The following SPIDR variants were observed in gnomAD, a reference collection of about 807,000 sequenced individuals.
The protein encoded by SPIDR is scaffold protein involved in DNA repair.
Under a neutral mutation model 104.6 loss-of-function variants are expected in SPIDR, and 93 were observed. The observed-to-expected ratio is 0.89, with a 90% CI of 0.75 to 1.06. The LOEUF (loss-of-function observed/expected upper bound fraction) is 1.06. SPIDR is among the 50% of genes least tolerant of loss of function. The pLI is 0.00. For synonymous variants in SPIDR, 431 were observed against 416.9 expected (o/e 1.03, Z -0.41); for missense variants, 1,154 against 1,111.2 (o/e 1.04, Z -0.55).
At chr8:47,500,261 A>T (rs1299168435) in intron 8 of SPIDR, among the ~76,000 whole-genome samples, 1 of 152,188 alleles carries the variant, frequency 6.6e-6, no homozygotes, top group Admixed American at 6.5e-5. Flanking sequence ...TCCCACCAAC[A>T]GTGTAAAAGT....
chr8:47,345,420 G>C (rs551533883), intron 5 of SPIDR, among the ~76,000 whole-genome samples: 2 of 152,080 alleles, frequency 1.3e-5, no homozygotes, highest in Non-Finnish European at 2.9e-5. Context: ...TTGTTCTTTT[G>C]GCTTAGGATT....
At chr8:47,400,895 A>G (rs782611365) in intron 6 of SPIDR, among the ~76,000 whole-genome samples, 2 of 152,194 alleles carry the variant, frequency 1.3e-5, no homozygotes, top group Non-Finnish European at 2.9e-5. Flanking sequence ...GAATGGAACC[A>G]TGTTGGAAAA....
chr8:47,331,926 A>G (rs1416404559), intron 5 of SPIDR, among the ~76,000 whole-genome samples: 4 of 68,462 alleles, frequency 5.8e-5, no homozygotes, highest in African/African-American at 1.9e-4. Flanking sequence ...CAGCTTATAT[A>G]TTCTGTCAGC....
chr8:47,667,620 T>C (rs2075155333), intron 10 of SPIDR, among the ~76,000 whole-genome samples: 1 of 151,788 alleles, frequency 6.6e-6, no homozygotes, highest in Non-Finnish European at 1.5e-5. Flanking sequence ...GAAAAAAAGA[T>C]TATAAATGTG....
At chr8:47,704,312 A>T (rs965691169) in intron 14 of SPIDR, among the ~76,000 whole-genome samples, 2 of 152,220 alleles carry the variant, frequency 1.3e-5, no homozygotes, top group African/African-American at 4.8e-5. Flanking sequence ...TCTCATGTAC[A>T]TATCATTTTA....
chr8:47,721,766 C>T (rs971221606), intron 16 of SPIDR, among the ~76,000 whole-genome samples: 2 of 152,154 alleles, frequency 1.3e-5, no homozygotes, highest in Admixed American at 6.5e-5. Context: ...TGAGCCACCG[C>T]GCCCGGCCAA....
chr8:47,419,341 T>G (rs1312026446), intron 7 of SPIDR: 11 of 152,218 alleles, frequency 7.2e-5, no homozygotes, highest in Admixed American at 7.2e-4. Context: ...CCTGGTTTAG[T>G]CTTGGAAGGG....
chr8:47,700,551 C>A, intron 12 of SPIDR, 61 bp downstream of exon 12: 1 of 1,529,330 alleles, frequency 6.5e-7, no homozygotes, highest in Non-Finnish European at 9.1e-7. Context: ...GGTGCCAAGC[C>A]AGGCGTCATC....
intron 16 of SPIDR, among the ~76,000 whole-genome samples, chr8:47,722,008 A>G (rs2083470859): frequency 6.6e-6 from 1 of 152,222 alleles, no homozygotes; most frequent in Non-Finnish European, 1.5e-5. Context: ...CTTCTTATCC[A>G]TGAACATGGA....
intron 3 of SPIDR, among the ~76,000 whole-genome samples, chr8:47,284,966 A>G (rs2038544385): frequency 6.6e-6 from 1 of 152,236 alleles, no homozygotes; most frequent in Admixed American, 6.5e-5. Context: ...AGGAAGAGTG[A>G]GGGCTTGTGA....
At chr8:47,722,270 T>C (rs2083511909) in intron 16 of SPIDR, among the ~76,000 whole-genome samples, 1 of 152,216 alleles carries the variant, frequency 6.6e-6, no homozygotes, top group Non-Finnish European at 1.5e-5. Context: ...TGGTCTTTTG[T>C]TGTTTCTTTG....
At chr8:47,328,171 A>G (rs926110526) in intron 5 of SPIDR, among the ~76,000 whole-genome samples, 4 of 151,742 alleles carry the variant, frequency 2.6e-5, no homozygotes, top group Non-Finnish European at 5.9e-5. Context: ...TCTATTATCT[A>G]TGTTTTCTTA....
At chr8:47,673,656 C>G in intron 10 of SPIDR, 145 bp from the exon 11 acceptor site, 1 of 1,095,224 alleles carries the variant, frequency 9.1e-7, no homozygotes, top group Non-Finnish European at 1.3e-6. Context: ...TTTTTTTCCC[C>G]CCTTGGTTTT....
At chr8:47,279,748 T>C in intron 1 of SPIDR, 114 bp from the exon 2 acceptor site, 1 of 1,060,664 alleles carries the variant, frequency 9.4e-7, no homozygotes, top group African/African-American at 1.6e-5. Flanking sequence ...AAACTATACC[T>C]TTACTGATGC....
At chr8:47,547,752 T>G (rs2089681986) in intron 8 of SPIDR, 1 of 171,406 alleles carries the variant, frequency 5.8e-6, no homozygotes, top group Non-Finnish European at 1.3e-5. Context: ...TTATTTCACC[T>G]CCTGTCAAGG....
In SPIDR at chr8:47,654,874, C is replaced by T. The variant is rs544299446; in HGVS notation, c.1545-18927C>T. On this transcript the variant is annotated intron_variant, in intron 10 of 19. Transcript: ENST00000297423. ...TATATCTCCTAATGCTATCCCTCCC[C>T]CCTCCTCCCACCCCACAACAGGCCC... 1.6e-4 allele frequency among the ~76,000 whole-genome samples: 24 copies of T among 152,220 alleles called. 1 individual carries two copies. Among genetic ancestry groups the T allele is most frequent in the African/African-American group, 5.1e-4 (21 of 41,530 alleles).
intron 8 of SPIDR, among the ~76,000 whole-genome samples, chr8:47,489,974 A>G (rs2078393811): frequency 6.6e-6 from 1 of 152,240 alleles, no homozygotes; most frequent in Non-Finnish European, 1.5e-5. Context: ...ACCCAAAGCA[A>G]TGGCAACAAA....
intron 11 of SPIDR, among the ~76,000 whole-genome samples, chr8:47,695,045 G>A (rs1359479185): frequency 6.6e-6 from 1 of 152,042 alleles, no homozygotes; most frequent in Non-Finnish European, 1.5e-5. Flanking sequence ...AGGAGATGAT[G>A]GATTATCATC....
chr8:47,570,765 G>A (rs1475398245), intron 8 of SPIDR, among the ~76,000 whole-genome samples: 1 of 152,140 alleles, frequency 6.6e-6, no homozygotes, highest in Non-Finnish European at 1.5e-5. Flanking sequence ...GATTCTTTCT[G>A]CAAAGAAGAT....
Sources: allele counts gnomAD v4.1 joint callset (sites outside exome capture counted in the v4.1 genomes callset), GRCh38; gene constraint gnomAD v4.1.1; transcripts MANE v1.5; gene names NCBI Gene and HGNC (gene_info 2026-07-23, HGNC 2026-07-21).